Variants in GARS1 observed in about 807,000 individuals in gnomAD.
GARS1 encodes glycyl-tRNA synthetase 1.
GARS1 carries 46 observed loss-of-function variants against 86.4 expected under a neutral mutation model. The ratio of observed to expected loss-of-function variants is 0.53; its 90% CI spans 0.42 to 0.68. GARS1 has a LOEUF of 0.68. Among genes scored for constraint, GARS1 ranks in the 30% least tolerant of loss-of-function variants. The pLI is 0.00. For synonymous variants in GARS1, 342 were observed against 329.8 expected, an observed-to-expected ratio of 1.04 and a Z score of -0.40; for missense variants, 797 against 915.6, an observed-to-expected ratio of 0.87 and a Z score of 1.67.
chr7:30,605,405 T>G (rs1791460734), intron 6 of GARS1, among the ~76,000 whole-genome samples: 1 of 152,264 alleles, frequency 6.6e-6, no homozygotes, highest in African/African-American at 2.4e-5. Context: ...ATACAAAATT[T>G]TATATGTTAA....
chr7:30,628,812 A>G (rs1218600500), intron 14 of GARS1, 143 bp downstream of exon 14: 2 of 587,610 alleles, frequency 3.4e-6, no homozygotes, highest in Non-Finnish European at 6.2e-6. Flanking sequence ...ATCTTTGCTT[A>G]AGTATGTATA....
At chr7:30,618,072 AT>A (rs1012992085) in intron 10 of GARS1, among the ~76,000 whole-genome samples, 54 of 152,156 alleles carry the variant, frequency 3.5e-4, no homozygotes, top group Non-Finnish European at 1.0e-4. Flanking sequence ...CTTTTTATGG[AT>A]TTTTAAAAAT....
intron 16 of GARS1, 97 bp from the exon 17 acceptor site, chr7:30,633,638 T>C: frequency 7.0e-7 from 1 of 1,424,326 alleles, no homozygotes; most frequent in Non-Finnish European, 9.8e-7. Flanking sequence ...ATGACATTGT[T>C]TGGCTCTGTG....
rs760342271 is a variant in GARS1 at position 30,595,024 on chromosome 7, T to G, written c.103T>G (p.Ser35Ala). The change falls in exon 1 of 17, where the codon TCC becomes GCC. Residue 35 changes from serine (S) to alanine (A), a missense_variant. By Grantham distance (99) the Ser-to-Ala change is moderately conservative (BLOSUM62 1). Transcript: ENST00000389266. ...CCGACCCTCGCTCCTGCTCCGCCGG[T>G]CCCTCAGCGCGGCCTCCTGCCCCCC... The part of the protein sequence containing the change: ...LARPSLLLRR[S>A]LSAASCPPIS... 1 of 1,577,842 alleles carries G rather than the reference T, an allele frequency of 6.3e-7. No homozygotes were observed. The highest frequency in any genetic ancestry group is 8.6e-7 in the Non-Finnish European group (1 of 1,169,500).
chr7:30,630,875 T>C (rs1464766977), intron 14 of GARS1, among the ~76,000 whole-genome samples: 1 of 152,226 alleles, frequency 6.6e-6, no homozygotes, highest in Non-Finnish European at 1.5e-5. Context: ...AAGAAGGCTG[T>C]ACTTTTTAGT....
intron 10 of GARS1, among the ~76,000 whole-genome samples, chr7:30,619,190 T>C (rs1165132204): frequency 1.3e-5 from 2 of 152,154 alleles, no homozygotes; most frequent in Non-Finnish European, 2.9e-5. Flanking sequence ...TCTTAACAGT[T>C]ATGCTGTACT....
chr7:30,599,657 C>T (rs953624028), intron 2 of GARS1, among the ~76,000 whole-genome samples: 2 of 152,172 alleles, frequency 1.3e-5, no homozygotes, highest in African/African-American at 2.4e-5. Context: ...CCCACTTCGG[C>T]CTCCCAAAGT....
At chr7:30,618,198 T>C (rs1441189943) in intron 10 of GARS1, among the ~76,000 whole-genome samples, 1 of 152,186 alleles carries the variant, frequency 6.6e-6, no homozygotes, top group Non-Finnish European at 1.5e-5. Flanking sequence ...GTTATATGCC[T>C]CTCCCCAGGT....
At chr7:30,615,406 C>T (rs1183000831) in intron 8 of GARS1, among the ~76,000 whole-genome samples, 1 of 152,104 alleles carries the variant, frequency 6.6e-6, no homozygotes, top group Non-Finnish European at 1.5e-5. Context: ...TAAGGAAAAC[C>T]ATTTTATCTG....
At chr7:30,631,183 G>A in intron 14 of GARS1, 1 of 383,514 alleles carries the variant, frequency 2.6e-6, no homozygotes, top group South Asian at 2.2e-5. Context: ...AGAGCAGGTG[G>A]TAGAGACCTG....
At chr7:30,624,782 T>A (rs1213297549) in intron 12 of GARS1, among the ~76,000 whole-genome samples, 3 of 152,216 alleles carry the variant, frequency 2.0e-5, no homozygotes, top group African/African-American at 7.2e-5. Context: ...CAGAAAAATT[T>A]AAAAACATTT....
At chr7:30,606,949 C>T (rs1403491744) in intron 6 of GARS1, among the ~76,000 whole-genome samples, 1 of 152,164 alleles carries the variant, frequency 6.6e-6, no homozygotes, top group South Asian at 2.1e-4. Flanking sequence ...TACCAAAAAT[C>T]GCAGTTCTCA....
Position 30,632,541 on chromosome 7 carries a change from T to C in GARS1, c.2094+104T>C. 1.6e-6 allele frequency: 2 copies of C among 1,266,960 alleles called. No homozygotes were observed. Among genetic ancestry groups the C allele is most frequent in the Non-Finnish European group, 2.3e-6 (2 of 882,684 alleles). The allele number at this position is 1,266,960 out of a possible 1,614,324, so 78.5% of individuals were successfully genotyped here. On this transcript the variant is annotated intron_variant, in intron 16 of 16. Transcript: ENST00000389266. This position sits in a 1 kb window ranked among gnomAD's most constrained non-coding sequence, Gnocchi z 4.1. The stretch of plus-strand genomic sequence containing the variant: ...GTTTATGCTCCCTTTCCTTTTTTTT[T>C]CTTTTTAATTTTAATGAACGGCTTG...
At chr7:30,617,302 G>A (rs757775557) in intron 10 of GARS1, 24 bp downstream of exon 10, 2 of 1,611,976 alleles carry the variant, frequency 1.2e-6, no homozygotes, top group Non-Finnish European at 1.7e-6. Context: ...TGTTTACCAT[G>A]TGATTTTCAC....
intron 2 of GARS1, 65 bp from the exon 3 acceptor site, chr7:30,599,882 A>C: frequency 3.0e-6 from 3 of 1,013,260 alleles, no homozygotes; most frequent in Non-Finnish European, 4.6e-6. Context: ...AACTAAATTC[A>C]GATATATAAG....
At chr7:30,597,802 G>C (rs1435852137) in intron 1 of GARS1, among the ~76,000 whole-genome samples, 1 of 152,174 alleles carries the variant, frequency 6.6e-6, no homozygotes, top group Non-Finnish European at 1.5e-5. Context: ...TATGGAAATG[G>C]ATCACTGAAA....
chr7:30,628,703 T>G (rs530861909), intron 14 of GARS1, 34 bp downstream of exon 14: 1 of 1,441,440 alleles, frequency 6.9e-7, no homozygotes. Flanking sequence ...TGTTATAGTG[T>G]CAGAAAATAA....
Position 30,633,892 on chromosome 7 carries a change from C to CA in GARS1, c.*32_*33insA. 1 of 1,258,422 alleles carries CA rather than the reference C, an allele frequency of 7.9e-7. No individual in the cohort carries two copies. 78.0% of individuals were successfully genotyped at this position (1,258,422 alleles called of 1,614,324 possible). On this transcript the variant is annotated 3_prime_UTR_variant, in exon 17 of 17. Coordinates refer to ENST00000389266, the MANE Select transcript of GARS1 (RefSeq NM_002047.4). ...TTTTGACAACTTTTGACCACTTGCGCTAATAAAAAAAAAAAAAAACTACTC... is the reference window on the plus strand; with the variant it reads ...TTTTGACAACTTTTGACCACTTGCGCATAATAAAAAAAAAAAAAAACTACTC...
intron 13 of GARS1, among the ~76,000 whole-genome samples, chr7:30,626,552 T>C (rs1314569309): frequency 4.6e-5 from 7 of 152,344 alleles, no homozygotes; most frequent in Middle Eastern, 3.4e-3. Context: ...GTTTTTGCCA[T>C]GTTGCCCAGG....
Sources: gnomAD v4.1 joint callset for allele counts (sites outside exome capture counted in the v4.1 genomes callset) on GRCh38, gnomAD v4.1.1 for gene constraint, Gnocchi (gnomAD v3.1) non-coding constraint, MANE v1.5 for transcripts, NCBI Gene and HGNC (gene_info 2026-07-23, HGNC 2026-07-21) for gene names.